Variants in AFTPH observed in about 807,000 individuals in gnomAD.
The protein encoded by AFTPH is aftiphilin, also known as aftiphilin protein.
In AFTPH, 7 loss-of-function variants were observed where a neutral mutation model predicts 72.5. The ratio of observed to expected loss-of-function variants is 0.10; its 90% CI spans 0.05 to 0.18. The LOEUF is 0.18. Among genes scored for constraint, AFTPH ranks in the 10% least tolerant of loss-of-function variants. The probability of loss-of-function intolerance (pLI) is 1.00; values close to 1 mark genes in which losing one functional copy is unlikely to be tolerated. For synonymous variants in AFTPH, 337 were observed against 370.1 expected (o/e 0.91, Z 1.03); for missense variants, 979 against 1,060.5 (o/e 0.92, Z 1.07).
At chr2:64,564,058 TA>T (rs1671902353) in intron 2 of AFTPH, among the ~76,000 whole-genome samples, 2 of 152,232 alleles carry the variant, frequency 1.3e-5, no homozygotes, top group Admixed American at 1.3e-4. Context: ...TTCATTTATA[TA>T]AGAGACTCTT....
At chr2:64,524,559 G>A (rs899648587) in exon 1 of AFTPH, 3 of 399,008 alleles carry the variant, frequency 7.5e-6, no homozygotes, top group Non-Finnish European at 1.3e-5. Context: ...CGGGGAGTCA[G>A]TTCCTCCCCG....
At chr2:64,575,733 G>A (rs1558626456) in intron 6 of AFTPH, among the ~76,000 whole-genome samples, 12 of 65,318 alleles carry the variant, frequency 1.8e-4, no homozygotes, top group Non-Finnish European at 9.6e-5. Flanking sequence ...GTGTGTGTGT[G>A]TGTGTGTGTA....
chr2:64,533,443 C>G (rs755240406), intron 1 of AFTPH, among the ~76,000 whole-genome samples: 6 of 152,072 alleles, frequency 3.9e-5, no homozygotes, highest in Admixed American at 3.9e-4. Context: ...GGAAAACTTA[C>G]ATAATTATCT....
At chr2:64,586,738 G>A (rs1040607181) in intron 8 of AFTPH, among the ~76,000 whole-genome samples, 5 of 152,134 alleles carry the variant, frequency 3.3e-5, no homozygotes, top group Admixed American at 2.0e-4. Context: ...CATTGCCAAA[G>A]CCTCCTCTTC....
chr2:64,547,999 C>A (rs1213167873), intron 1 of AFTPH, among the ~76,000 whole-genome samples: 1 of 151,846 alleles, frequency 6.6e-6, no homozygotes, highest in African/African-American at 2.4e-5. Flanking sequence ...TTGCCCAAGG[C>A]TGGTCTTGAT....
intron 1 of AFTPH, among the ~76,000 whole-genome samples, chr2:64,546,870 TAA>T (rs34040464): frequency 1.1e-4 from 14 of 127,130 alleles, no homozygotes; most frequent in Non-Finnish European, 1.7e-4. Context: ...CCGTCTCTAC[TAA>T]AAAAAAAAAT....
intron 1 of AFTPH, among the ~76,000 whole-genome samples, chr2:64,540,390 A>G (rs1028191182): frequency 3.3e-5 from 5 of 152,186 alleles, no homozygotes; most frequent in African/African-American, 1.2e-4. Flanking sequence ...ACTCTCAAAT[A>G]TGGTCAGCTG....
At chr2:64,566,092 G>A (rs1406692674) in intron 2 of AFTPH, among the ~76,000 whole-genome samples, 1 of 152,188 alleles carries the variant, frequency 6.6e-6, no homozygotes, top group African/African-American at 2.4e-5. Context: ...CCCTGCCCAG[G>A]AGGAGCCAAT....
At chr2:64,543,315 A>C (rs1374913456) in intron 1 of AFTPH, among the ~76,000 whole-genome samples, 1 of 152,196 alleles carries the variant, frequency 6.6e-6, no homozygotes, top group African/African-American at 2.4e-5. Flanking sequence ...ATCTTCTCCC[A>C]GGCAATGGCT....
rs1312837119 is a variant in AFTPH at position 64,553,317 on chromosome 2, C to G, written c.1843C>G (p.Pro615Ala). The G allele has an allele frequency of 1.9e-6, 3 of 1,613,834 alleles. No individual in the cohort carries two copies. The African/African-American group carries it at 4.0e-5, about 22-fold the overall frequency. Residue 615 changes from proline to alanine, a missense_variant, in exon 2 of 9, where the codon CCA (proline) becomes GCA (alanine). Physicochemically the swap from Pro to Ala is conservative, Grantham distance 27. Transcript: ENST00000238856. ...TAGGACAGATGAAAATATTGATACT[C>G]CAGGAACCCCCAAAACGCACAGTGT...
At chr2:64,531,061 C>CA (rs370897333) in intron 1 of AFTPH, among the ~76,000 whole-genome samples, 2,102 of 70,996 alleles carry the variant, frequency 0.03, 117 homozygotes, top group East Asian at 0.096. Context: ...GACTTCATCT[C>CA]AAAAAAAAAA....
chr2:64,592,852 A>G (rs556419048), exon 9 of AFTPH: 35 of 152,772 alleles, frequency 2.3e-4, no homozygotes, highest in African/African-American at 8.2e-4. Flanking sequence ...AGTGAAAACT[A>G]TGGGTTTTAA....
At chr2:64,581,153 G>A (rs775191657) in intron 7 of AFTPH, 37 bp from the exon 8 acceptor site, 81 of 1,527,832 alleles carry the variant, frequency 5.3e-5, no homozygotes, top group Admixed American at 1.4e-4. Flanking sequence ...CTTACCTTCT[G>A]TGTGGCTGCC....
chr2:64,558,331 A>T (rs986671775), intron 2 of AFTPH, among the ~76,000 whole-genome samples: 2 of 152,194 alleles, frequency 1.3e-5, no homozygotes, highest in African/African-American at 4.8e-5. Context: ...AAGGACATAT[A>T]ACAAAACCAA....
chr2:64,548,317 C>T (rs1402469273), intron 1 of AFTPH, among the ~76,000 whole-genome samples: 9 of 141,316 alleles, frequency 6.4e-5, no homozygotes, highest in South Asian at 2.2e-4. Context: ...GGCGTGAACC[C>T]GGGAAGCGGA....
chr2:64,549,296 T>A (rs2103919493), intron 1 of AFTPH, among the ~76,000 whole-genome samples: 1 of 148,292 alleles, frequency 6.7e-6, no homozygotes, highest in African/African-American at 2.5e-5. Context: ...GGACTTTGGC[T>A]GTTAGTCCTC....
intron 7 of AFTPH, among the ~76,000 whole-genome samples, chr2:64,584,469 A>G (rs986169103): frequency 6.6e-6 from 1 of 152,172 alleles, no homozygotes; most frequent in African/African-American, 2.4e-5. Flanking sequence ...CCTGTAGACA[A>G]GAATTTTCAT....
Position 64,569,006 on chromosome 2 carries a change from T to C in AFTPH, c.2088-86T>C. The C allele has an allele frequency of 2.8e-6, 4 of 1,430,376 alleles. No individual in the cohort carries two copies. In the South Asian group the frequency reaches 3.5e-5, roughly 12 times the overall value. 88.6% of individuals were successfully genotyped at this position (1,430,376 alleles called of 1,614,324 possible). On this transcript the variant is annotated intron_variant, in intron 3 of 8. Coordinates refer to ENST00000238856, the Ensembl canonical transcript of AFTPH. ...GACCCAAGAGTAAATGGAATGTGTG[T>C]TATGTCACAGCCATATTATAAGTAG...
intron 6 of AFTPH, among the ~76,000 whole-genome samples, chr2:64,578,724 AT>A (rs11366273): frequency 0.46 from 69,389 of 151,000 alleles, 16,526 homozygotes; most frequent in African/African-American, 0.6. Flanking sequence ...TGCCTGGCTA[AT>A]TTTTTTTTAT....
Sources: allele counts gnomAD v4.1 joint callset (sites outside exome capture counted in the v4.1 genomes callset), GRCh38; gene constraint gnomAD v4.1.1; transcripts MANE v1.5; gene names NCBI Gene and HGNC (gene_info 2026-07-23, HGNC 2026-07-21).